The following HK3 variants were observed in gnomAD, a reference collection of about 807,000 sequenced individuals.
The protein encoded by HK3 is hexokinase-3.
In HK3, 93 loss-of-function variants were observed where a neutral mutation model predicts 91.0. That is an observed-to-expected ratio of 1.02 (90% CI 0.86 to 1.21). The LOEUF is 1.21. Among genes scored for constraint, HK3 ranks in the 50% most tolerant of loss-of-function variants. The pLI is 0.00. For missense variants in HK3, 1,235 were observed against 1,247.4 expected (o/e 0.99, Z 0.15); for synonymous variants, 519 against 516.9 (o/e 1.00, Z -0.06).
intron 15 of HK3, among the ~76,000 whole-genome samples, chr5:176,882,492 C>T (rs1758465811): frequency 6.6e-6 from 1 of 152,212 alleles, no homozygotes; most frequent in Admixed American, 6.5e-5. Context: ...GACCGGCCTG[C>T]CAGGCCCTTA....
Position 176,882,247 on chromosome 5 carries a change from G to C in HK3, c.2054-120C>G, listed in dbSNP as rs182950683. On this transcript the variant is annotated intron_variant, in intron 15 of 18. Coordinates refer to ENST00000292432, the MANE Select transcript of HK3 (RefSeq NM_002115.3). ...ACTCTCTCTACCTCTCATGCTCACAGCCTGTCCCTGGTCCTGGTCCTTCTT... is the reference window on the plus strand; with the variant it reads ...ACTCTCTCTACCTCTCATGCTCACACCCTGTCCCTGGTCCTGGTCCTTCTT... The C allele has an allele frequency of 1.1e-5, 11 of 1,031,680 alleles. No individual in the cohort carries two copies. In the African/African-American group the frequency reaches 1.7e-4, roughly 16 times the overall value. 63.9% of individuals were successfully genotyped at this position (1,031,680 alleles called of 1,614,324 possible).
At chr5:176,885,766 A>G (rs943167950) in intron 13 of HK3, among the ~76,000 whole-genome samples, 1 of 151,524 alleles carries the variant, frequency 6.6e-6, no homozygotes, top group African/African-American at 2.4e-5. Context: ...ATAAGACTAT[A>G]TTTCTTGCCC....
chr5:176,896,517 C>T (rs1051665957), intron 1 of HK3, among the ~76,000 whole-genome samples: 1 of 152,188 alleles, frequency 6.6e-6, no homozygotes, highest in Admixed American at 6.5e-5. Context: ...CCCTCAGGGA[C>T]CTCACAGTCT....
chr5:176,891,385 C>T lies in HK3; in HGVS notation c.259+3G>A, dbSNP rs1221084967. 6.2e-7 allele frequency: 1 copy of T among 1,612,328 alleles called. No individual in the cohort carries two copies. Among genetic ancestry groups the T allele is most frequent in the East Asian group, 2.2e-5 (1 of 44,884 alleles). Reference sequence around the variant, plus strand: ...GCCACGCATCTCAATCTATGATACCCACCAGTGCCATGTGGGGTGGACCCC... The same window carrying T: ...GCCACGCATCTCAATCTATGATACCTACCAGTGCCATGTGGGGTGGACCCC... On this transcript the variant is annotated splice_donor_region_variant and intron_variant, in intron 3 of 18. Transcript: ENST00000292432.
rs1758775948 is a variant in HK3 at position 176,891,545 on chromosome 5, C to T, written c.102G>A (p.Gln34=). Residue 34 remains glutamine (Q), a synonymous_variant, in exon 3 of 19, where the codon CAG becomes CAA. Transcript: ENST00000292432. ...PGPSDSSELV[Q]ECLQQFKVTR... is the part of the protein sequence containing the mutation. ...TCACCTTGAACTGCTGCAGGCACTC[C>T]TGCACCTGGGGAGAAACAGGCCAAC... The T allele has an allele frequency of 2.5e-6, 4 of 1,610,564 alleles. No homozygotes were observed. Among genetic ancestry groups the T allele is most frequent in the Admixed American group, 1.7e-5 (1 of 59,394 alleles).
At chr5:176,890,207 C>T (rs1758729458) in intron 6 of HK3, among the ~76,000 whole-genome samples, 1 of 152,168 alleles carries the variant, frequency 6.6e-6, no homozygotes. Context: ...GATCATCCGC[C>T]CCAGCCCCAG....
intron 1 of HK3, among the ~76,000 whole-genome samples, chr5:176,897,534 C>T (rs1439898353): frequency 6.6e-6 from 1 of 152,184 alleles, no homozygotes; most frequent in Non-Finnish European, 1.5e-5. Context: ...TTGCCCTCCA[C>T]GTGGTCACTG....
chr5:176,888,670 C>T (rs760371641), intron 9 of HK3, 39 bp downstream of exon 9: 1 of 1,613,842 alleles, frequency 6.2e-7, no homozygotes, highest in Non-Finnish European at 8.5e-7. Context: ...TTCCTCCAAG[C>T]CAAGAATCCC....
Position 176,881,828 on chromosome 5 carries a change from C to T in HK3, c.2257G>A (p.Gly753Ser), listed in dbSNP as rs200997168. Reference protein sequence around the residue: ...GKQRFEKMISGMYLGEIVRHI... With the variant: ...GKQRFEKMISSMYLGEIVRHI... ...CGGACGATCTCCCCCAGGTACATGC[C>T]GCTGATCATCTTTTCAAACCTGCAT... Residue 753 changes from glycine to serine, a missense_variant, in exon 17 of 19, where the codon GGC (glycine) becomes AGC (serine). By Grantham distance (56) the Gly-to-Ser change is moderately conservative (BLOSUM62 0). This residue lies in a region of HK3 where 513 missense variants were observed against 477.4 expected (regional missense o/e 1.07). Coordinates refer to ENST00000292432, the MANE Select transcript of HK3 (RefSeq NM_002115.3). The T allele has an allele frequency of 9.3e-5, 150 of 1,613,854 alleles. No homozygotes were observed. Among genetic ancestry groups the T allele is most frequent in the Middle Eastern group, 1.6e-4 (1 of 6,084 alleles).
intron 13 of HK3, among the ~76,000 whole-genome samples, chr5:176,885,866 G>C (rs1192231381): frequency 6.6e-6 from 1 of 152,002 alleles, no homozygotes; most frequent in African/African-American, 2.4e-5. Flanking sequence ...GCTTAGCCTG[G>C]AGCAGAGCAG....
chr5:176,886,945 G>A (rs768631509), intron 13 of HK3, 57 bp downstream of exon 13: 44 of 1,602,834 alleles, frequency 2.7e-5, no homozygotes, highest in African/African-American at 4.0e-5. Context: ...CCCACTCCAT[G>A]AAGGGTATGT....
chr5:176,885,913 G>C (rs1302103070), intron 13 of HK3, among the ~76,000 whole-genome samples: 3 of 151,998 alleles, frequency 2.0e-5, no homozygotes, highest in Non-Finnish European at 4.4e-5. Flanking sequence ...CCATCCAAAG[G>C]ACCACCGTGT....
At position 176,887,772 on chromosome 5, in the gene HK3, G is replaced by A. The variant is rs750884025; in HGVS notation, c.1305-26C>T. The A allele has an allele frequency of 2.5e-6, 4 of 1,576,866 alleles. No individual in the cohort carries two copies. The South Asian group carries it at 4.7e-5, about 19-fold the overall frequency. On this transcript the variant is annotated intron_variant, in intron 10 of 18. Coordinates refer to ENST00000292432, the MANE Select transcript of HK3 (RefSeq NM_002115.3). This position sits in a 1 kb window ranked among gnomAD's most constrained non-coding sequence, Gnocchi z 4.9. ...CTACAGATACATACAGGTGCACCCG[G>A]CTTGGCCCTGGACCCCCAGACACAC...
chr5:176,888,624 G>A lies in HK3; in HGVS notation c.1071-59C>T, dbSNP rs867695423. ...CCCAGAAGCTCCCCATCCCACTAAA[G>A]CCCCATGGCTACCTTGGGAACAGAG... is the stretch of plus-strand genomic sequence containing the variant. On this transcript the variant is annotated intron_variant, in intron 9 of 18. Transcript: ENST00000292432. 3.1e-4 allele frequency: 500 copies of A among 1,608,264 alleles called. 5 individuals carry two copies. The South Asian group carries it at 4.1e-3, about 13-fold the overall frequency.
At chr5:176,888,917 C>A in intron 8 of HK3, 53 bp from the exon 9 acceptor site, 1 of 1,577,388 alleles carries the variant, frequency 6.3e-7, no homozygotes, top group Non-Finnish European at 8.6e-7. Context: ...CTCAGTCCAC[C>A]TGGCCCTACC....
In HK3 at chr5:176,891,393, C is replaced by T. The variant is rs1401262608; in HGVS notation, c.254G>A (p.Gly85Asp). The T allele has an allele frequency of 6.2e-7, 1 of 1,612,694 alleles. No homozygotes were observed. The highest frequency in any genetic ancestry group is 2.2e-5 in the East Asian group (1 of 44,872). Residue 85 changes from glycine (G) to aspartate (D), a missense_variant, in exon 3 of 19, where the codon GGC becomes GAC. By Grantham distance (94) the Gly-to-Asp change is moderately conservative. Coordinates refer to ENST00000292432, the MANE Select transcript of HK3 (RefSeq NM_002115.3). ...LPTYVGSTPH[G>D]TEQGDFVVLE... Reference sequence around the variant, plus strand: ...TCTCAATCTATGATACCCACCAGTGCCATGTGGGGTGGACCCCACGTATGT... The same window carrying T: ...TCTCAATCTATGATACCCACCAGTGTCATGTGGGGTGGACCCCACGTATGT...
Position 176,887,865 on chromosome 5 carries a change from C to T in HK3, c.1305-119G>A. ...GGTGTGCCCAGCTTGGCCCCAGACC[C>T]CTAGGGCCTCCTGAAGCCCAAGGCC... On this transcript the variant is annotated intron_variant, in intron 10 of 18. Transcript: ENST00000292432. This position sits in a 1 kb window ranked among gnomAD's most constrained non-coding sequence, Gnocchi z 4.9. 17 of 995,408 alleles carry T rather than the reference C, an allele frequency of 1.7e-5. No individual in the cohort carries two copies. The highest frequency in any genetic ancestry group is 2.5e-5 in the Non-Finnish European group (17 of 681,652). 61.7% of individuals were successfully genotyped at this position (995,408 alleles called of 1,614,324 possible).
rs1190597450 is a variant in HK3 at position 176,881,966 on chromosome 5, A to G, written c.2215T>C (p.Ser739Pro). 1.9e-6 allele frequency: 3 copies of G among 1,613,548 alleles called. No individual in the cohort carries two copies. Among genetic ancestry groups the G allele is most frequent in the Admixed American group, 1.7e-5 (1 of 60,014 alleles). ...TRFDASVDQA[S>P]INPGKQRFEK... is the part of the protein sequence containing the mutation. ...CACCTCTGCTTGCCGGGGTTGATGG[A>G]CGCCTGGTCCACACTTGCATCAAAG... is the stretch of plus-strand genomic sequence containing the variant. The change falls in exon 16 of 19, where the codon TCC becomes CCC. Residue 739 changes from serine to proline, a missense_variant. This residue lies in a region of HK3 where 513 missense variants were observed against 477.4 expected (regional missense o/e 1.07). Coordinates refer to ENST00000292432, the MANE Select transcript of HK3 (RefSeq NM_002115.3).
chr5:176,885,247 G>A (rs1758551625), intron 13 of HK3, among the ~76,000 whole-genome samples: 1 of 152,196 alleles, frequency 6.6e-6, no homozygotes, highest in Non-Finnish European at 1.5e-5. Flanking sequence ...AAGGTGTCGA[G>A]ACTCAAGAGA....
Sources: allele counts gnomAD v4.1 joint callset (sites outside exome capture counted in the v4.1 genomes callset), GRCh38; gene constraint gnomAD v4.1.1; regional missense constraint gnomAD v4.1.1; non-coding constraint Gnocchi (gnomAD v3.1); transcripts MANE v1.5; gene names NCBI Gene and HGNC (gene_info 2026-07-23, HGNC 2026-07-21).